ZNF91: variants seen among roughly 807,000 people sequenced by gnomAD.
ZNF91 encodes the protein zinc finger protein 91.
A neutral mutation model predicts 12.6 loss-of-function variants in ZNF91; 7 were observed. The observed-to-expected ratio is 0.55, with a 90% CI of 0.31 to 1.04. The LOEUF is 1.04. Among genes scored for constraint, ZNF91 ranks in the 50% least tolerant of loss-of-function variants. The pLI, the probability that ZNF91 is intolerant of heterozygous loss-of-function variation, is 0.05. For synonymous variants in ZNF91, 453 were observed against 462.6 expected (o/e 0.98, Z 0.27); for missense variants, 1,217 against 1,385.4 (o/e 0.88, Z 1.93).
chr19:23,321,791 T>C (rs1190928078), intron 1 of ZNF91, among the ~76,000 whole-genome samples: 1 of 152,164 alleles, frequency 6.6e-6, no homozygotes, highest in Non-Finnish European at 1.5e-5. Flanking sequence ...GATTGTTACA[T>C]ATCTCTGTTC....
At chr19:23,337,989 CTT>C (rs1968047707), downstream of ZNF91, 2 of 152,060 alleles carry the variant, frequency 1.3e-5, no homozygotes, top group Non-Finnish European at 2.9e-5. Context: ...AGAATGAAGA[CTT>C]TGTTTCCAAC....
chr19:23,348,852 C>A (rs930648219), intron 3 of ZNF91, among the ~76,000 whole-genome samples: 11 of 152,056 alleles, frequency 7.2e-5, no homozygotes, highest in Non-Finnish European at 1.3e-4. Context: ...CTTTTCCCAG[C>A]AAGGAATATT....
intron 3 of ZNF91, among the ~76,000 whole-genome samples, chr19:23,352,209 A>C (rs1281311510): frequency 6.6e-6 from 1 of 152,136 alleles, no homozygotes; most frequent in African/African-American, 2.4e-5. Flanking sequence ...GGGCAAAGTG[A>C]AAGTGAGACC....
chr19:23,337,474 A>C (rs943428869), downstream of ZNF91, among the ~76,000 whole-genome samples: 1 of 76,692 alleles, frequency 1.3e-5, no homozygotes, highest in Non-Finnish European at 2.7e-5. Flanking sequence ...ATAACTTCAA[A>C]AAAAAAAAAA....
At chr19:23,391,367 C>A (rs553146761) in intron 1 of ZNF91, among the ~76,000 whole-genome samples, 2 of 152,250 alleles carry the variant, frequency 1.3e-5, no homozygotes, top group African/African-American at 2.4e-5. Flanking sequence ...ACCATACAAC[C>A]CCATTTTATG....
At chr19:23,354,246 C>G (rs1018518461), downstream of ZNF91, among the ~76,000 whole-genome samples, 2 of 152,086 alleles carry the variant, frequency 1.3e-5, no homozygotes, top group African/African-American at 4.8e-5. Context: ...TATCCAACAA[C>G]ATGTCGAAAA....
downstream of ZNF91, among the ~76,000 whole-genome samples, chr19:23,334,438 C>T (rs1034070131): frequency 1.1e-4 from 17 of 152,120 alleles, no homozygotes; most frequent in East Asian, 5.8e-4. Flanking sequence ...TGTTCAGCAA[C>T]GTGCAGTGCA....
chr19:23,330,590 T>G (rs183226845), intron 1 of ZNF91, among the ~76,000 whole-genome samples: 47 of 152,270 alleles, frequency 3.1e-4, no homozygotes, highest in East Asian at 3.9e-4. Context: ...ATCTCTTGCT[T>G]GAGCCCATGG....
At chr19:23,394,843 A>G (rs1970179781) in intron 1 of ZNF91, among the ~76,000 whole-genome samples, 1 of 152,198 alleles carries the variant, frequency 6.6e-6, no homozygotes, top group Non-Finnish European at 1.5e-5. Context: ...TAGACCACAA[A>G]TTACAAACCA....
chr19:23,306,508 G>A (rs747611473), intron 3 of ZNF91, among the ~76,000 whole-genome samples: 1 of 149,564 alleles, frequency 6.7e-6, no homozygotes, highest in East Asian at 2.0e-4. Flanking sequence ...CTGCTTTGTC[G>A]CTGCCCACAG....
In ZNF91 at chr19:23,362,387, T is replaced by C. The variant is rs1968836760; in HGVS notation, c.592A>G (p.Thr198Ala). 6.2e-7 allele frequency: 1 copy of C among 1,613,828 alleles called. No homozygotes were observed. The highest frequency in any genetic ancestry group is 1.3e-5 in the African/African-American group (1 of 74,928). Reference protein sequence around the residue: ...VKSFCIRLHKTQHKCVYITEK... With the variant: ...VKSFCIRLHKAQHKCVYITEK... ...GTAATATAAACGCATTTATGTTGGGTTTTGTGTAAACGGATGCAAAATGAC... is the reference window on the plus strand; with the variant it reads ...GTAATATAAACGCATTTATGTTGGGCTTTGTGTAAACGGATGCAAAATGAC... The change falls in exon 4 of 4, where the codon ACC (threonine) becomes GCC (alanine). Residue 198 changes from threonine to alanine, a missense_variant. Physicochemically the swap from Thr to Ala is moderately conservative, Grantham distance 58. This residue lies in a region of ZNF91 where 726 missense variants were observed against 895.5 expected (regional missense o/e 0.81). Coordinates refer to ENST00000300619, the MANE Select transcript of ZNF91 (RefSeq NM_003430.4).
In ZNF91 at chr19:23,340,777, A is replaced by C. The variant is rs562744175; in HGVS notation, c.254-1723T>G. On this transcript the variant is annotated intron_variant, in intron 3 of 3. Coordinates refer to the ZNF91 transcript ENST00000599743. ...TTATTATAAAAAATAGACAAATGGA[A>C]ATCAAACTAAAAGTTTTGGCACAGA... is the stretch of plus-strand genomic sequence containing the variant. 3.4e-5 allele frequency among the ~76,000 whole-genome samples: 5 copies of C among 147,722 alleles called. No individual in the cohort carries two copies. The South Asian group carries it at 1.1e-3, about 32-fold the overall frequency.
At chr19:23,394,703 GC>G (rs1339471851) in intron 1 of ZNF91, among the ~76,000 whole-genome samples, 3 of 151,848 alleles carry the variant, frequency 2.0e-5, no homozygotes. Context: ...ACTCCAGCCC[GC>G]GCGAGAGAGC....
chr19:23,345,911 T>TCCTC (rs1002840850), intron 3 of ZNF91, among the ~76,000 whole-genome samples: 1 of 151,824 alleles, frequency 6.6e-6, no homozygotes, highest in Non-Finnish European at 1.5e-5. Flanking sequence ...CTCCTATCTA[T>TCCTC]CCTCCACTGC....
intron 3 of ZNF91, among the ~76,000 whole-genome samples, chr19:23,341,528 T>C (rs1443291208): frequency 1.3e-5 from 2 of 152,076 alleles, no homozygotes; most frequent in Non-Finnish European, 2.9e-5. Flanking sequence ...CAAAAGCAAG[T>C]ATAATAATAA....
At chr19:23,330,309 C>A (rs547426544) in intron 1 of ZNF91, among the ~76,000 whole-genome samples, 6 of 150,342 alleles carry the variant, frequency 4.0e-5, no homozygotes, top group African/African-American at 1.5e-4. Context: ...CCAGCCTTGG[C>A]AGCAGAGCCA....
At chr19:23,342,088 T>C (rs945716852) in intron 3 of ZNF91, 1 of 353,374 alleles carries the variant, frequency 2.8e-6, no homozygotes, top group Non-Finnish European at 5.2e-6. Context: ...CAGAGCATTC[T>C]ATACCACATT....
intron 1 of ZNF91, among the ~76,000 whole-genome samples, chr19:23,383,682 C>T (rs10854068): frequency 0.52 from 78,175 of 151,326 alleles, 21,655 homozygotes; most frequent in East Asian, 0.84. Flanking sequence ...AGGGAGACTA[C>T]CTCAAAAAGA....
chr19:23,371,941 C>T (rs941997286), intron 3 of ZNF91, among the ~76,000 whole-genome samples: 11 of 152,190 alleles, frequency 7.2e-5, no homozygotes, highest in African/African-American at 2.6e-4. Context: ...CAACTATAGC[C>T]TTAAATTGCT....
Sources: allele counts gnomAD v4.1 joint callset (sites outside exome capture counted in the v4.1 genomes callset), GRCh38; gene constraint gnomAD v4.1.1; regional missense constraint gnomAD v4.1.1; transcripts MANE v1.5; gene names NCBI Gene and HGNC (gene_info 2026-07-23, HGNC 2026-07-21).